The following POLR2F variants were observed in gnomAD, a reference collection of about 807,000 sequenced individuals.
The protein encoded by POLR2F is RNA polymerase II, I and III subunit F.
In POLR2F, 12 loss-of-function variants were observed where a neutral mutation model predicts 22.7. The ratio of observed to expected loss-of-function variants is 0.53; its 90% CI spans 0.34 to 0.86. The LOEUF (loss-of-function observed/expected upper bound fraction) is 0.86. Among genes scored for constraint, POLR2F ranks in the 40% least tolerant of loss-of-function variants. POLR2F has a pLI of 0.02. For synonymous variants in POLR2F, 57 were observed against 66.0 expected, an observed-to-expected ratio of 0.86 and a Z score of 0.66; for missense variants, 126 against 171.5, an observed-to-expected ratio of 0.73 and a Z score of 1.48.
Position 37,986,393 on chromosome 22 carries a change from C to G in POLR2F, c.120+81C>G. On this transcript the variant is annotated intron_variant, in intron 1 of 2. Coordinates refer to the POLR2F transcript ENST00000333418. The surrounding 1 kb of genome is among the most constrained non-coding windows in gnomAD (Gnocchi z 4.7). ...TCCCCGCTCTCTGCTGTGTCTGTGACTGGCCTGAGACCCGCCTGGGGCAGG... is the reference window on the plus strand; with the variant it reads ...TCCCCGCTCTCTGCTGTGTCTGTGAGTGGCCTGAGACCCGCCTGGGGCAGG... The G allele has an allele frequency of 1.3e-6, 2 of 1,530,428 alleles. No individual in the cohort carries two copies. The highest frequency in any genetic ancestry group is 1.7e-6 in the Non-Finnish European group (2 of 1,144,516). The allele number at this position is 1,530,428 out of a possible 1,614,324, so 94.8% of individuals were successfully genotyped here. A position where few individuals can be genotyped will look rare whatever the true frequency, so the allele number is the denominator to read the frequency against.
chr22:38,005,780 G>T lies in POLR2F; in HGVS notation c.120+19468G>T, dbSNP rs2084815654. ...CTGTTTGTCACTGATCCTCAGCAAG[G>T]TCAGAGATGAGTACAGAACTTAGAC... On this transcript the variant is annotated intron_variant, in intron 1 of 2. Coordinates refer to the POLR2F transcript ENST00000333418. Among the ~76,000 whole-genome samples, 3 of 152,232 alleles carry T rather than the reference G, an allele frequency of 2.0e-5. No homozygotes were observed. The South Asian group carries it at 6.2e-4, about 31-fold the overall frequency.
At chr22:37,959,954 C>T (rs1195514471) in intron 3 of POLR2F, among the ~76,000 whole-genome samples, 1 of 134,984 alleles carries the variant, frequency 7.4e-6, no homozygotes, top group East Asian at 2.3e-4. Context: ...CAGGCATGTG[C>T]CACCATGCCT....
At chr22:37,975,527 G>T (rs1290696541) in intron 4 of POLR2F, among the ~76,000 whole-genome samples, 2 of 152,182 alleles carry the variant, frequency 1.3e-5, no homozygotes, top group Non-Finnish European at 2.9e-5. Context: ...GTACACGTGT[G>T]TGGGAGGGAT....
chr22:37,962,459 G>T (rs928373988), intron 3 of POLR2F, among the ~76,000 whole-genome samples: 1 of 152,060 alleles, frequency 6.6e-6, no homozygotes, highest in Admixed American at 6.6e-5. Context: ...TTCCTCAGTA[G>T]CGGACCTCTT....
intron 1 of POLR2F, among the ~76,000 whole-genome samples, chr22:37,993,984 G>A (rs771483610): frequency 1.3e-5 from 2 of 152,174 alleles, no homozygotes; most frequent in Non-Finnish European, 2.9e-5. Flanking sequence ...GCAAGACTCC[G>A]TCTCAAAAGA....
At chr22:37,987,337 A>G (rs1175180767) in intron 1 of POLR2F, 1 of 455,744 alleles carries the variant, frequency 2.2e-6, no homozygotes, top group Non-Finnish European at 4.4e-6. Flanking sequence ...AGGAGAGGAA[A>G]GGAATACCTG....
At chr22:37,974,014 C>T (rs1338276256), downstream of POLR2F, 2 of 1,613,692 alleles carry the variant, frequency 1.2e-6, no homozygotes, top group African/African-American at 1.3e-5. The surrounding 1 kb of genome is among the most constrained non-coding windows in gnomAD (Gnocchi z 5.4). Context: ...CCAACTCAGC[C>T]ACATCAAAGG....
intron 5 of POLR2F, chr22:38,034,067 GGCAT>G (rs1419076268): frequency 6.0e-6 from 1 of 167,704 alleles, no homozygotes; most frequent in Non-Finnish European, 1.5e-5. Context: ...CCTAGGGCTT[GGCAT>G]GGCCCCTTGG....
downstream of POLR2F, among the ~76,000 whole-genome samples, chr22:38,030,819 G>T (rs759913971): frequency 1.3e-5 from 2 of 152,170 alleles, no homozygotes; most frequent in Non-Finnish European, 2.9e-5. Flanking sequence ...GGCCTGGGGA[G>T]CGTGGTCAGT....
chr22:38,015,190 TC>T (rs1365769803), intron 1 of POLR2F, among the ~76,000 whole-genome samples: 1 of 152,210 alleles, frequency 6.6e-6, no homozygotes, highest in Non-Finnish European at 1.5e-5. Context: ...TGACAGGATT[TC>T]CTCAAGCACT....
chr22:37,958,280 C>T (rs1360343022), intron 2 of POLR2F: 3 of 151,638 alleles, frequency 2.0e-5, no homozygotes. Context: ...GCTCTGCTTC[C>T]CGGGTTCATG....
intron 5 of POLR2F, among the ~76,000 whole-genome samples, chr22:38,039,143 G>A (rs2085147313): frequency 6.6e-6 from 1 of 152,196 alleles, no homozygotes; most frequent in Non-Finnish European, 1.5e-5. Flanking sequence ...TGAGGGGGCC[G>A]CCGCTGGGAA....
At chr22:37,994,971 A>G (rs1468557984) in intron 1 of POLR2F, among the ~76,000 whole-genome samples, 1 of 152,210 alleles carries the variant, frequency 6.6e-6, no homozygotes, top group East Asian at 1.9e-4. Context: ...CCTCTCTACC[A>G]GGTGGCAAAT....
intron 1 of POLR2F, among the ~76,000 whole-genome samples, chr22:38,008,139 C>T (rs2145806586): frequency 6.6e-6 from 1 of 152,266 alleles, no homozygotes; most frequent in East Asian, 1.9e-4. Context: ...ACTCAGGAGA[C>T]TGAGGCAGGA....
rs908069165 is a variant in POLR2F at position 38,017,348 on chromosome 22, A to G, written c.121-8521A>G. ...ACTGCCCCCAGAGTGATCATGCTCAATGTCAGCTTGGCTCTTGGGGGTCTG... is the reference window on the plus strand; with the variant it reads ...ACTGCCCCCAGAGTGATCATGCTCAGTGTCAGCTTGGCTCTTGGGGGTCTG... On this transcript the variant is annotated intron_variant, in intron 1 of 2. Transcript: ENST00000333418. This position sits in a 1 kb window ranked among gnomAD's most constrained non-coding sequence, Gnocchi z 4.1. Among the ~76,000 whole-genome samples the G allele has an allele frequency of 6.6e-6, 1 of 152,002 alleles. No individual in the cohort carries two copies. The highest frequency in any genetic ancestry group is 6.5e-5 in the Admixed American group (1 of 15,274).
At chr22:38,035,032 C>T (rs894533205) in intron 5 of POLR2F, among the ~76,000 whole-genome samples, 4 of 152,060 alleles carry the variant, frequency 2.6e-5, no homozygotes, top group Admixed American at 2.0e-4. Flanking sequence ...CTCCCCACAC[C>T]TCTTGGCCTC....
At chr22:37,995,598 A>G (rs889066873) in intron 1 of POLR2F, among the ~76,000 whole-genome samples, 9 of 152,156 alleles carry the variant, frequency 5.9e-5, no homozygotes, top group African/African-American at 2.2e-4. Context: ...TGTCTACTTC[A>G]TGAGGGCAGC....
chr22:38,011,116 T>G (rs2084868188), intron 1 of POLR2F, among the ~76,000 whole-genome samples: 1 of 151,762 alleles, frequency 6.6e-6, no homozygotes, highest in South Asian at 2.1e-4. Flanking sequence ...GTTTCTTTCT[T>G]TTTGAGACAG....
chr22:38,038,123 A>G (rs982810288), intron 5 of POLR2F, among the ~76,000 whole-genome samples: 3 of 150,706 alleles, frequency 2.0e-5, no homozygotes, highest in Non-Finnish European at 4.4e-5. Context: ...GGGGAAGGGG[A>G]GAAAGCTGGG....
Sources: allele counts gnomAD v4.1 joint callset (sites outside exome capture counted in the v4.1 genomes callset), GRCh38; gene constraint gnomAD v4.1.1; non-coding constraint Gnocchi (gnomAD v3.1); transcripts MANE v1.5; gene names NCBI Gene and HGNC (gene_info 2026-07-23, HGNC 2026-07-21).